EPB41L4B: variants seen among roughly 807,000 people sequenced by gnomAD.
EPB41L4B encodes band 4.1-like protein 4B.
EPB41L4B carries 30 observed loss-of-function variants against 112.5 expected under a neutral mutation model. The ratio of observed to expected loss-of-function variants is 0.27; its 90% CI spans 0.20 to 0.36. EPB41L4B has a LOEUF of 0.36. EPB41L4B is among the 10% of genes least tolerant of loss of function. The probability of loss-of-function intolerance (pLI) is 1.00; values close to 1 mark genes in which losing one functional copy is unlikely to be tolerated. For missense variants in EPB41L4B, 1,024 were observed against 1,133.3 expected (o/e 0.90, Z 1.38); for synonymous variants, 408 against 439.7 (o/e 0.93, Z 0.90).
chr9:109,294,602 C>T (rs1020857611), intron 1 of EPB41L4B, among the ~76,000 whole-genome samples: 1 of 151,730 alleles, frequency 6.6e-6, no homozygotes, highest in Non-Finnish European at 1.5e-5. Flanking sequence ...CCAGCCTGGG[C>T]AACAGAGACC....
rs144782707 is a variant in EPB41L4B at position 109,260,678 on chromosome 9, G to T, written c.631+2372C>A. 6.4e-3 allele frequency among the ~76,000 whole-genome samples: 974 copies of T among 152,304 alleles called. 17 individuals are homozygous for T. The East Asian group carries it at 0.084, about 13-fold the overall frequency. ...AATCCACCCGCCTCGGCCTCCCGAA[G>T]TGCTGGGATTACAGGGGTGAGCCAT... On this transcript the variant is annotated intron_variant, in intron 6 of 25. Coordinates refer to ENST00000374566, the MANE Select transcript of EPB41L4B (RefSeq NM_019114.5).
intron 1 of EPB41L4B, among the ~76,000 whole-genome samples, chr9:109,309,257 CA>C (rs1229367330): frequency 6.6e-6 from 1 of 152,120 alleles, no homozygotes; most frequent in East Asian, 1.9e-4. Context: ...ATAAAAACTT[CA>C]AAAAGAGTGG....
chr9:109,279,143 C>A (rs1835941036), intron 2 of EPB41L4B, among the ~76,000 whole-genome samples: 1 of 152,116 alleles, frequency 6.6e-6, no homozygotes, highest in African/African-American at 2.4e-5. Context: ...GTGGCACAGC[C>A]TCTTCTGCTG....
chr9:109,282,385 C>T (rs1836100175), intron 1 of EPB41L4B, among the ~76,000 whole-genome samples: 1 of 152,150 alleles, frequency 6.6e-6, no homozygotes, highest in South Asian at 2.1e-4. Flanking sequence ...TTTGGATAGG[C>T]AAACTGTATG....
chr9:109,302,740 G>T (rs1341505951), intron 1 of EPB41L4B, among the ~76,000 whole-genome samples: 1 of 152,066 alleles, frequency 6.6e-6, no homozygotes, highest in Non-Finnish European at 1.5e-5. Context: ...AGTCATAAAG[G>T]CCCAGTAATG....
Position 109,243,649 on chromosome 9 carries a change from G to C in EPB41L4B, c.1378C>G (p.Pro460Ala), listed in dbSNP as rs778517979. 6.2e-7 allele frequency: 1 copy of C among 1,614,190 alleles called. No individual in the cohort carries two copies. The highest frequency in any genetic ancestry group is 8.5e-7 in the Non-Finnish European group (1 of 1,180,014). The change falls in exon 15 of 26, where the codon CCC (proline) becomes GCC (alanine). Residue 460 changes from proline (P) to alanine (A), a missense_variant. By Grantham distance (27) the Pro-to-Ala change is conservative. Transcript: ENST00000374566. ...QYHPNIHPSQ[P>A]RWHPHSPNVS... ...TTTGGAGAGTGAGGATGCCACCGGG[G>C]CTGGCTGGGATGGATATTAGGATGA...
At chr9:109,318,592 T>C (rs903477472) in intron 1 of EPB41L4B, among the ~76,000 whole-genome samples, 2 of 151,912 alleles carry the variant, frequency 1.3e-5, no homozygotes, top group African/African-American at 4.8e-5. Context: ...CGCCACATCC[T>C]CTCCTAACAC....
chr9:109,241,841 G>A (rs771952624), intron 15 of EPB41L4B: 1 of 1,610,096 alleles, frequency 6.2e-7, no homozygotes, highest in African/African-American at 1.3e-5. Context: ...TGGTTAGTGG[G>A]AGAATGGAAG....
rs1276435966 is a variant in EPB41L4B, at chr9:109,207,835, C to T, written c.1878+89G>A. On this transcript the variant is annotated intron_variant, in intron 18 of 25. Coordinates refer to ENST00000374566, the MANE Select transcript of EPB41L4B (RefSeq NM_019114.5). ...CCTGACTGGACCCTGACTGACACAG[C>T]ATCTCAGTCCTACGGTGCCTCTTTC... 3.6e-5 allele frequency: 54 copies of T among 1,495,046 alleles called. No homozygotes were observed. In the East Asian group the frequency reaches 1.2e-3, roughly 33 times the overall value. 92.6% of individuals were successfully genotyped at this position (1,495,046 alleles called of 1,614,324 possible). A position where few individuals can be genotyped will look rare whatever the true frequency, so the allele number is the denominator to read the frequency against.
Position 109,269,592 on chromosome 9 carries a change from A to G in EPB41L4B, c.412-1159T>C, listed in dbSNP as rs375531730. Among the ~76,000 whole-genome samples, 22 of 152,326 alleles carry G rather than the reference A, an allele frequency of 1.4e-4. No homozygotes were observed. In the East Asian group the frequency reaches 3.7e-3, roughly 25 times the overall value. On this transcript the variant is annotated intron_variant, in intron 2 of 25. Coordinates refer to ENST00000374566, the MANE Select transcript of EPB41L4B (RefSeq NM_019114.5). ...ATATGGCACCCAGCAGGCCCCTGTT[A>G]AGACTCTTGAGAAATAAATAAATAT...
In EPB41L4B at chr9:109,320,460, G is replaced by A; in HGVS notation, c.-14C>T. 1.0e-6 allele frequency: 1 copy of A among 985,990 alleles called. No homozygotes were observed. The highest frequency in any genetic ancestry group is 1.2e-6 in the Non-Finnish European group (1 of 832,884). The allele number at this position is 985,990 out of a possible 1,614,324, so 61.1% of individuals were successfully genotyped here. Reference sequence around the variant, plus strand: ...GAACCGCAGCATCCTGGCTGGGGGCGCCCCCTGCCTCCGCCCCCTGCGCTG... The same window carrying A: ...GAACCGCAGCATCCTGGCTGGGGGCACCCCCTGCCTCCGCCCCCTGCGCTG... On this transcript the variant is annotated 5_prime_UTR_variant, in exon 1 of 26. Coordinates refer to ENST00000374566, the MANE Select transcript of EPB41L4B (RefSeq NM_019114.5).
At chr9:109,235,456 C>T (rs191884335) in intron 15 of EPB41L4B, among the ~76,000 whole-genome samples, 2 of 137,322 alleles carry the variant, frequency 1.5e-5, no homozygotes, top group Admixed American at 8.0e-5. Context: ...AGTGCAATGG[C>T]GTGATCTTGG....
chr9:109,249,078 T>A (rs1443983861), intron 13 of EPB41L4B, among the ~76,000 whole-genome samples: 18 of 146,460 alleles, frequency 1.2e-4, no homozygotes, highest in African/African-American at 4.5e-4. Context: ...AAAAAATATA[T>A]ATATATATAT....
At chr9:109,267,347 CTA>C in intron 4 of EPB41L4B, 124 bp downstream of exon 4, 1 of 605,782 alleles carries the variant, frequency 1.7e-6, no homozygotes, top group Admixed American at 2.9e-5. Context: ...CGGAAAAGTA[CTA>C]ATAACTCTTG....
chr9:109,241,588 A>G (rs1372888061), intron 15 of EPB41L4B: 3 of 1,595,456 alleles, frequency 1.9e-6, no homozygotes, highest in Non-Finnish European at 2.6e-6. Context: ...ACATCCATCC[A>G]TCTGAGGCCA....
intron 14 of EPB41L4B, among the ~76,000 whole-genome samples, chr9:109,244,828 C>T (rs1355473672): frequency 6.6e-6 from 1 of 152,190 alleles, no homozygotes; most frequent in Non-Finnish European, 1.5e-5. Flanking sequence ...AGTCTTGCCA[C>T]TGTTACTCTT....
chr9:109,262,425 C>T (rs1398796944), intron 6 of EPB41L4B, among the ~76,000 whole-genome samples: 1 of 149,182 alleles, frequency 6.7e-6, no homozygotes. Context: ...CCTTGTACTG[C>T]CAATGCTATT....
chr9:109,293,246 T>C (rs1283430162), intron 1 of EPB41L4B, among the ~76,000 whole-genome samples: 2 of 152,232 alleles, frequency 1.3e-5, no homozygotes, highest in Non-Finnish European at 2.9e-5. Context: ...ATTGTATGCG[T>C]ACATAAAAGA....
chr9:109,291,464 A>C (rs1291951123), intron 1 of EPB41L4B, among the ~76,000 whole-genome samples: 3 of 152,200 alleles, frequency 2.0e-5, no homozygotes, highest in Admixed American at 2.0e-4. Context: ...TAGCACAGGG[A>C]AAGCAGATTA....
Sources: allele counts gnomAD v4.1 joint callset (sites outside exome capture counted in the v4.1 genomes callset), GRCh38; gene constraint gnomAD v4.1.1; transcripts MANE v1.5; gene names NCBI Gene and HGNC (gene_info 2026-07-23, HGNC 2026-07-21).